The following NXPH1 variants were observed in gnomAD, a reference collection of about 807,000 sequenced individuals.
NXPH1 encodes the protein neurexophilin-1.
Under a neutral mutation model 23.7 loss-of-function variants are expected in NXPH1, and 5 were observed. The observed-to-expected ratio is 0.21, with a 90% CI of 0.11 to 0.44. NXPH1 has a LOEUF of 0.44. NXPH1 is among the 20% of genes least tolerant of loss of function. The pLI is 0.99. For synonymous variants in NXPH1, 144 were observed against 122.2 expected (o/e 1.18, Z -1.18); for missense variants, 324 against 321.6 (o/e 1.01, Z -0.06).
intron 2 of NXPH1, among the ~76,000 whole-genome samples, chr7:8,691,594 A>G (rs948075969): frequency 5.3e-5 from 8 of 152,246 alleles, no homozygotes; most frequent in African/African-American, 1.9e-4. Flanking sequence ...TAAATTGAAA[A>G]GTAGAAATGG....
intron 2 of NXPH1, among the ~76,000 whole-genome samples, chr7:8,695,172 G>A (rs1275031658): frequency 1.3e-5 from 2 of 152,230 alleles, no homozygotes; most frequent in Admixed American, 6.5e-5. Context: ...TATAATGGTA[G>A]GTACATTGTG....
chr7:8,707,324 A>G (rs765424318), intron 2 of NXPH1, among the ~76,000 whole-genome samples: 26 of 152,176 alleles, frequency 1.7e-4, no homozygotes, highest in Non-Finnish European at 3.1e-4. Context: ...TAAATATCAC[A>G]TCCTTTAATT....
At chr7:8,575,829 T>C (rs1818744711) in intron 2 of NXPH1, among the ~76,000 whole-genome samples, 1 of 152,132 alleles carries the variant, frequency 6.6e-6, no homozygotes, top group Non-Finnish European at 1.5e-5. Context: ...GCCCATTTTA[T>C]GGATACTGGT....
intron 2 of NXPH1, among the ~76,000 whole-genome samples, chr7:8,632,518 T>G (rs1820151675): frequency 6.6e-6 from 1 of 152,176 alleles, no homozygotes; most frequent in Non-Finnish European, 1.5e-5. Flanking sequence ...TATCCTTTGA[T>G]TTTTCTCACT....
rs76273228 is a variant in NXPH1, at chr7:8,575,807, G to T, written c.54+140040G>T. Among the ~76,000 whole-genome samples the T allele has an allele frequency of 2.6e-3, 389 of 151,616 alleles. 3 individuals are homozygous for T. The highest frequency in any genetic ancestry group is 8.9e-3 in the African/African-American group (366 of 41,346). ...ACTTGGTCAAAGTTAGCTAGCTATGGCTTATGTATAGGCCCATTTTATGGA... is the reference window on the plus strand; with the variant it reads ...ACTTGGTCAAAGTTAGCTAGCTATGTCTTATGTATAGGCCCATTTTATGGA... On this transcript the variant is annotated intron_variant, in intron 2 of 2. Transcript: ENST00000405863.
intron 2 of NXPH1, among the ~76,000 whole-genome samples, chr7:8,605,651 G>C (rs545550950): frequency 6.6e-6 from 1 of 152,004 alleles, no homozygotes; most frequent in African/African-American, 2.4e-5. Flanking sequence ...GATGTTCAAC[G>C]TCAGAGATCA....
chr7:8,441,840 C>T (rs899552514), intron 2 of NXPH1, among the ~76,000 whole-genome samples: 1 of 151,378 alleles, frequency 6.6e-6, no homozygotes, highest in Admixed American at 6.6e-5. Flanking sequence ...CGCTGCGTTT[C>T]TGCTACGGGA....
At chr7:8,695,842 A>T (rs1339280737) in intron 2 of NXPH1, among the ~76,000 whole-genome samples, 1 of 152,192 alleles carries the variant, frequency 6.6e-6, no homozygotes, top group South Asian at 2.1e-4. Context: ...TCTAACTGAG[A>T]TTAAACGTGG....
At chr7:8,497,222 T>C (rs1430720978) in intron 2 of NXPH1, among the ~76,000 whole-genome samples, 2 of 152,228 alleles carry the variant, frequency 1.3e-5, no homozygotes, top group Admixed American at 6.5e-5. Context: ...TAGTATTCCA[T>C]GGTGTATATG....
At chr7:8,661,083 T>C (rs1337418128) in intron 2 of NXPH1, among the ~76,000 whole-genome samples, 1 of 152,184 alleles carries the variant, frequency 6.6e-6, no homozygotes, top group Admixed American at 6.5e-5. Context: ...GATTGCTTCC[T>C]CTACAAATCA....
At chr7:8,653,261 T>C (rs531838525) in intron 2 of NXPH1, among the ~76,000 whole-genome samples, 1 of 152,160 alleles carries the variant, frequency 6.6e-6, no homozygotes, top group Non-Finnish European at 1.5e-5. Context: ...ATAAACACAG[T>C]TTAGTATATA....
At chr7:8,529,584 C>A (rs540931363) in intron 2 of NXPH1, among the ~76,000 whole-genome samples, 1 of 152,302 alleles carries the variant, frequency 6.6e-6, no homozygotes, top group South Asian at 2.1e-4. Context: ...AGGCAGCCTG[C>A]ATTCAAGTCT....
At chr7:8,519,061 A>G (rs75012453) in intron 2 of NXPH1, among the ~76,000 whole-genome samples, 2,700 of 152,164 alleles carry the variant, frequency 0.018, 71 homozygotes, top group African/African-American at 0.061. Flanking sequence ...TGTCTCCTCA[A>G]CTTTCCATTA....
At chr7:8,606,982 A>T (rs1419321093) in intron 2 of NXPH1, among the ~76,000 whole-genome samples, 1 of 152,164 alleles carries the variant, frequency 6.6e-6, no homozygotes, top group Non-Finnish European at 1.5e-5. Context: ...TGTGAATATA[A>T]CCTATTCTTA....
intron 2 of NXPH1, among the ~76,000 whole-genome samples, chr7:8,487,302 C>T (rs1432760214): frequency 6.6e-6 from 1 of 152,048 alleles, no homozygotes; most frequent in Non-Finnish European, 1.5e-5. Flanking sequence ...TGGGTTTTCC[C>T]ATGTTGTTCT....
In NXPH1 at chr7:8,435,391, C is replaced by T; in HGVS notation, c.-110-213C>T. ...AGCGCAGGGGGCAAGGAGCCCCTCA[C>T]CCTCCCTCTCGTCCGCCCGCCCGCC... On this transcript the variant is annotated intron_variant, in intron 1 of 2. Coordinates refer to ENST00000405863, the MANE Select transcript of NXPH1 (RefSeq NM_152745.3). This position sits in a 1 kb window ranked among gnomAD's most constrained non-coding sequence, Gnocchi z 5.9. The T allele has an allele frequency of 2.2e-6, 1 of 451,696 alleles. No individual in the cohort carries two copies. Among genetic ancestry groups the T allele is most frequent in the South Asian group, 2.3e-5 (1 of 42,838 alleles). 28.0% of individuals were successfully genotyped at this position (451,696 alleles called of 1,614,324 possible). A position where few individuals can be genotyped will look rare whatever the true frequency, so the allele number is the denominator to read the frequency against.
At chr7:8,609,791 T>C (rs553312647) in intron 2 of NXPH1, among the ~76,000 whole-genome samples, 48 of 152,322 alleles carry the variant, frequency 3.2e-4, no homozygotes, top group Non-Finnish European at 6.5e-4. Flanking sequence ...AATTTTAACA[T>C]AACAGAGACT....
At chr7:8,544,008 C>G (rs1316749412) in intron 2 of NXPH1, among the ~76,000 whole-genome samples, 1 of 151,476 alleles carries the variant, frequency 6.6e-6, no homozygotes, top group Non-Finnish European at 1.5e-5. Context: ...CGAGTTCATA[C>G]AGTTAATTAG....
chr7:8,520,690 G>T (rs1324817314), intron 2 of NXPH1, among the ~76,000 whole-genome samples: 1 of 151,080 alleles, frequency 6.6e-6, no homozygotes, highest in African/African-American at 2.4e-5. Flanking sequence ...CCTTTTCAGT[G>T]TCACTCTTCC....
Sources: allele counts gnomAD v4.1 joint callset (sites outside exome capture counted in the v4.1 genomes callset), GRCh38; gene constraint gnomAD v4.1.1; non-coding constraint Gnocchi (gnomAD v3.1); transcripts MANE v1.5; gene names NCBI Gene and HGNC (gene_info 2026-07-23, HGNC 2026-07-21).